Variants in EIF3B observed in about 807,000 individuals in gnomAD.
EIF3B encodes eukaryotic translation initiation factor 3 subunit B.
In EIF3B, 10 loss-of-function variants were observed where a neutral mutation model predicts 104.6. That is an observed-to-expected ratio of 0.10 (90% CI 0.06 to 0.16). EIF3B has a LOEUF of 0.16. Ranked by LOEUF, EIF3B falls within the 10% of genes least tolerant of loss-of-function variation. The pLI, the probability that EIF3B is intolerant of heterozygous loss-of-function variation, is 1.00. For missense variants in EIF3B, 1,014 were observed against 1,087.9 expected (o/e 0.93, Z 0.96); for synonymous variants, 542 against 417.2 (o/e 1.30, Z -3.65).
At chr7:2,357,531 T>C (rs1316816469) in intron 1 of EIF3B, among the ~76,000 whole-genome samples, 3 of 152,250 alleles carry the variant, frequency 2.0e-5, no homozygotes, top group Non-Finnish European at 4.4e-5. Flanking sequence ...TTTATTACTT[T>C]TTTGGTACAG....
rs1015671649 is a variant in EIF3B, at chr7:2,354,867, GGAGA to G, written c.-53_-50del. 9.0e-7 allele frequency: 1 copy of G among 1,114,314 alleles called. No individual in the cohort carries two copies. The highest frequency in any genetic ancestry group is 1.1e-6 in the Non-Finnish European group (1 of 914,366). The allele number at this position is 1,114,314 out of a possible 1,614,324, so 69.0% of individuals were successfully genotyped here. A position where few individuals can be genotyped will look rare whatever the true frequency, so the allele number is the denominator to read the frequency against. ...CCGTCGCGGCGCGCGGTGCGGCCTG[GGAGA>G]GTCGGAAGCGCGGCGGCCGCGGAGC... On this transcript the variant is annotated 5_prime_UTR_variant, in exon 1 of 19. Coordinates refer to ENST00000360876, the MANE Select transcript of EIF3B (RefSeq NM_001037283.2).
At chr7:2,361,051 C>T in intron 2 of EIF3B, 149 bp downstream of exon 2, 1 of 577,702 alleles carries the variant, frequency 1.7e-6, no homozygotes, top group Non-Finnish European at 3.0e-6. Context: ...TGGAAGCTAT[C>T]CAGAGCAGTG....
chr7:2,379,251 G>C lies in EIF3B; in HGVS notation c.2341+9G>C. ...CCTGGAGTTGCGAGGAGGTAACTTAGAGATCCCTCAGTCCCCAGGAGCTGG... is the reference window on the plus strand; with the variant it reads ...CCTGGAGTTGCGAGGAGGTAACTTACAGATCCCTCAGTCCCCAGGAGCTGG... On this transcript the variant is annotated intron_variant, in intron 17 of 18. Coordinates refer to ENST00000360876, the MANE Select transcript of EIF3B (RefSeq NM_001037283.2). The C allele has an allele frequency of 8.7e-6, 14 of 1,608,002 alleles. No homozygotes were observed. The highest frequency in any genetic ancestry group is 1.2e-5 in the Non-Finnish European group (14 of 1,176,476).
rs531030606 is a variant in EIF3B at position 2,361,414 on chromosome 7, GTTCT to G, written c.692+527_692+530del. ...GTGTTATAATGAAACATTCTCTGAG[GTTCT>G]TTCTTTCTTTCTTTTTTTTGAGTCG... On this transcript the variant is annotated intron_variant, in intron 2 of 18. Coordinates refer to ENST00000360876, the MANE Select transcript of EIF3B (RefSeq NM_001037283.2). 1.3e-3 allele frequency among the ~76,000 whole-genome samples: 197 copies of G among 152,198 alleles called. 1 individual carries two copies. The highest frequency in any genetic ancestry group is 3.7e-3 in the African/African-American group (152 of 41,532).
chr7:2,364,550 A>C, intron 6 of EIF3B, 21 bp downstream of exon 6: 1 of 1,605,330 alleles, frequency 6.2e-7, no homozygotes, highest in Non-Finnish European at 8.5e-7. Flanking sequence ...AGAAAAACAC[A>C]GGGGAGTCTA....
In EIF3B at chr7:2,362,299, T is replaced by C. The variant is rs79039667; in HGVS notation, c.693-346T>C. Among the ~76,000 whole-genome samples, 523 of 152,278 alleles carry C rather than the reference T, an allele frequency of 3.4e-3. 19 individuals are homozygous for C. In the East Asian group the frequency reaches 0.076, roughly 22 times the overall value. On this transcript the variant is annotated intron_variant, in intron 2 of 18. Transcript: ENST00000360876. ...AACAGCTTTATTGAGATAATTGATA[T>C]ACAGTAAATCTGCATAGTTTTAAAG...
chr7:2,374,597 G>A lies in EIF3B; in HGVS notation c.1880G>A (p.Gly627Asp). 1 of 1,614,000 alleles carries A rather than the reference G, an allele frequency of 6.2e-7. No homozygotes were observed. Among genetic ancestry groups the A allele is most frequent in the Non-Finnish European group, 8.5e-7 (1 of 1,179,860 alleles). The change falls in exon 13 of 19, where the codon GGC becomes GAC. Residue 627 changes from glycine to aspartate, a missense_variant. This residue lies in a region of EIF3B where 266 missense variants were observed against 324.0 expected (regional missense o/e 0.82). Transcript: ENST00000360876. ...SPQGQFVVLA[G>D]LRSMNGALAF... ...CAAGGACAGTTCGTGGTGTTGGCGG[G>A]CCTGAGGAGGTAGGTGTCTGCGCTC...
At position 2,378,953 on chromosome 7, in the gene EIF3B, C is replaced by G. The variant is rs564764429; in HGVS notation, c.2233-181C>G. 8.3e-5 allele frequency: 61 copies of G among 739,374 alleles called. No homozygotes were observed. The African/African-American group carries it at 8.8e-4, about 11-fold the overall frequency. The allele number at this position is 739,374 out of a possible 1,614,324, so 45.8% of individuals were successfully genotyped here. The stretch of plus-strand genomic sequence containing the variant: ...CACGGGGACTTGGAGTTGGTGACCT[C>G]ACTGCTGCCTTGTGGGTGGGGGGCA... On this transcript the variant is annotated intron_variant, in intron 16 of 18. Coordinates refer to ENST00000360876, the MANE Select transcript of EIF3B (RefSeq NM_001037283.2).
intron 9 of EIF3B, among the ~76,000 whole-genome samples, chr7:2,367,868 G>T: frequency 1.1e-5 from 1 of 90,606 alleles, no homozygotes; most frequent in Non-Finnish European, 1.9e-5. Context: ...TTGAGGCAGA[G>T]TCTTACTCTG....
At chr7:2,356,521 T>TGAACCTG (rs1356961920) in intron 1 of EIF3B, among the ~76,000 whole-genome samples, 1 of 147,140 alleles carries the variant, frequency 6.8e-6, no homozygotes, top group African/African-American at 2.5e-5. Context: ...GAGAATGGTG[T>TGAACCTG]GAACCTGGGA....
intron 15 of EIF3B, chr7:2,378,314 G>GC (rs1562493737): frequency 4.1e-6 from 1 of 246,230 alleles, no homozygotes; most frequent in Non-Finnish European, 7.7e-6. Context: ...ACAGGCGAGC[G>GC]TTCCTGGGAT....
Position 2,367,635 on chromosome 7 carries a change from A to G in EIF3B, c.1403+590A>G, listed in dbSNP as rs144594851. Among the ~76,000 whole-genome samples, 659 of 150,848 alleles carry G rather than the reference A, an allele frequency of 4.4e-3. 20 individuals are homozygous for G. Among genetic ancestry groups the G allele is most frequent in the Admixed American group, 0.039 (585 of 15,080 alleles). Reference sequence around the variant, plus strand: ...CAGGCATGTGCCACCAAGCCCGGCTAATTTTTGTATTTTTAGTAGGGATGG... The same window carrying G: ...CAGGCATGTGCCACCAAGCCCGGCTGATTTTTGTATTTTTAGTAGGGATGG... On this transcript the variant is annotated intron_variant, in intron 9 of 18. Coordinates refer to ENST00000360876, the MANE Select transcript of EIF3B (RefSeq NM_001037283.2).
In EIF3B at chr7:2,355,039, C is replaced by T. The variant is rs955950785; in HGVS notation, c.118C>T (p.Pro40Ser). 34 of 1,203,484 alleles carry T rather than the reference C, an allele frequency of 2.8e-5. No homozygotes were observed. The highest frequency in any genetic ancestry group is 3.5e-5 in the Non-Finnish European group (34 of 970,682). The allele number at this position is 1,203,484 out of a possible 1,614,324, so 74.6% of individuals were successfully genotyped here. The change falls in exon 1 of 19, where the codon CCC (proline) becomes TCC (serine). Residue 40 changes from proline to serine, a missense_variant. Physicochemically the swap from Pro to Ser is moderately conservative, Grantham distance 74. Coordinates refer to ENST00000360876, the MANE Select transcript of EIF3B (RefSeq NM_001037283.2). ...PAEGLLRPAG[P>S]GAPEAAGTEA... is the part of the protein sequence containing the mutation. The stretch of plus-strand genomic sequence containing the variant: ...CGAGGGGCTGCTGCGGCCCGCGGGG[C>T]CCGGCGCTCCGGAGGCCGCGGGGAC...
chr7:2,369,691 A>G lies in EIF3B; in HGVS notation c.1614+9A>G, dbSNP rs1225907788. 1 of 1,593,202 alleles carries G rather than the reference A, an allele frequency of 6.3e-7. No homozygotes were observed. The highest frequency in any genetic ancestry group is 1.4e-5 in the African/African-American group (1 of 73,796). On this transcript the variant is annotated intron_variant, in intron 10 of 18. Transcript: ENST00000360876. ...CTCCGAAAGGCACCCAGGTATGTAG[A>G]TTCCCACAGGAACTGACGATTCCTT...
At chr7:2,368,212 G>A (rs1037613737) in intron 9 of EIF3B, among the ~76,000 whole-genome samples, 2 of 152,058 alleles carry the variant, frequency 1.3e-5, no homozygotes, top group Admixed American at 1.3e-4. Context: ...GCGTGATCTC[G>A]GCTGACTGCA....
In EIF3B at chr7:2,355,340, C is replaced by A. The variant is rs1181331144; in HGVS notation, c.419C>A (p.Pro140His). The A allele has an allele frequency of 2.6e-6, 4 of 1,540,832 alleles. No homozygotes were observed. The South Asian group carries it at 3.6e-5, about 14-fold the overall frequency. The change falls in exon 1 of 19, where the codon CCC becomes CAC. Residue 140 changes from proline (P) to histidine (H), a missense_variant. By Grantham distance (77) the Pro-to-His change is moderately conservative. This residue lies in a region of EIF3B where 488 missense variants were observed against 404.3 expected (regional missense o/e 1.21). Coordinates refer to ENST00000360876, the MANE Select transcript of EIF3B (RefSeq NM_001037283.2). Reference sequence around the variant, plus strand: ...GAGGGCAGAGCGGCCGAGGCCGAACCCCGGGCGCTGGAGAACGGCGACGCG... The same window carrying A: ...GAGGGCAGAGCGGCCGAGGCCGAACACCGGGCGCTGGAGAACGGCGACGCG... ...GNEGRAAEAEPRALENGDADE... is the reference protein window; with the variant it reads ...GNEGRAAEAEHRALENGDADE...
chr7:2,375,643 A>G, intron 14 of EIF3B, 116 bp downstream of exon 14: 2 of 1,459,682 alleles, frequency 1.4e-6, no homozygotes, highest in Non-Finnish European at 1.9e-6. Context: ...CTCTGTGTTG[A>G]ACAGAAGCCT....
rs950191357 is a variant in EIF3B, at chr7:2,378,951, C to T, written c.2233-183C>T. ...GGCACGGGGACTTGGAGTTGGTGAC[C>T]TCACTGCTGCCTTGTGGGTGGGGGG... is the stretch of plus-strand genomic sequence containing the variant. On this transcript the variant is annotated intron_variant, in intron 16 of 18. Transcript: ENST00000360876. 3 of 737,086 alleles carry T rather than the reference C, an allele frequency of 4.1e-6. No homozygotes were observed. The East Asian group carries it at 8.1e-5, about 20-fold the overall frequency. 45.7% of individuals were successfully genotyped at this position (737,086 alleles called of 1,614,324 possible).
intron 1 of EIF3B, among the ~76,000 whole-genome samples, chr7:2,356,649 A>C (rs550207584): frequency 6.6e-6 from 1 of 151,824 alleles, no homozygotes; most frequent in Non-Finnish European, 1.5e-5. Flanking sequence ...CAGAAATACA[A>C]GTCAGCCAGG....
Sources: gnomAD v4.1 joint callset for allele counts (sites outside exome capture counted in the v4.1 genomes callset) on GRCh38, gnomAD v4.1.1 for gene constraint, gnomAD v4.1.1 regional missense constraint, MANE v1.5 for transcripts, NCBI Gene and HGNC (gene_info 2026-07-23, HGNC 2026-07-21) for gene names.